Variants in ZNF540 observed in about 807,000 individuals in gnomAD.
ZNF540 encodes the protein CTD-3064H18.6.
A neutral mutation model predicts 11.8 loss-of-function variants in ZNF540; 3 were observed. The ratio of observed to expected loss-of-function variants is 0.25; its 90% CI spans 0.12 to 0.65. ZNF540 has a LOEUF of 0.65. Among genes scored for constraint, ZNF540 ranks in the 30% least tolerant of loss-of-function variants. ZNF540 has a pLI of 0.83. For synonymous variants in ZNF540, 247 were observed against 259.0 expected (o/e 0.95, Z 0.45); for missense variants, 709 against 793.1 (o/e 0.89, Z 1.27).
At chr19:37,599,882 C>A in intron 3 of ZNF540, 130 bp downstream of exon 3, 2 of 1,040,288 alleles carry the variant, frequency 1.9e-6, no homozygotes, top group Non-Finnish European at 2.7e-6. Flanking sequence ...ATGGACTGAA[C>A]TTTGATGGTT....
intron 4 of ZNF540, among the ~76,000 whole-genome samples, chr19:37,602,191 C>T (rs113655750): frequency 5.3e-4 from 81 of 152,196 alleles, no homozygotes; most frequent in Non-Finnish European, 8.7e-4. Context: ...AACAAGAAAT[C>T]ATAGGTGAAC....
At chr19:37,605,585 T>C (rs962540208) in intron 4 of ZNF540, among the ~76,000 whole-genome samples, 4 of 151,882 alleles carry the variant, frequency 2.6e-5, no homozygotes, top group Non-Finnish European at 4.4e-5. Flanking sequence ...AAGGCGGAGG[T>C]TGCAGTGAGC....
intron 1 of ZNF540, among the ~76,000 whole-genome samples, chr19:37,582,178 C>T (rs1375522354): frequency 6.6e-6 from 1 of 152,032 alleles, no homozygotes; most frequent in Non-Finnish European, 1.5e-5. Context: ...TTATTGTTGA[C>T]TTACTTCTTT....
At chr19:37,589,340 CACAG>C (rs1294231239) in intron 1 of ZNF540, among the ~76,000 whole-genome samples, 1 of 150,654 alleles carries the variant, frequency 6.6e-6, no homozygotes, top group African/African-American at 2.4e-5. Flanking sequence ...TAAAAGAATA[CACAG>C]ACAAATGACA....
At chr19:37,562,112 G>A (rs982933522) in intron 1 of ZNF540, among the ~76,000 whole-genome samples, 2 of 152,220 alleles carry the variant, frequency 1.3e-5, no homozygotes, top group South Asian at 2.1e-4. Flanking sequence ...GCCGGGTGCG[G>A]TGGCTCATGC....
intron 1 of ZNF540, among the ~76,000 whole-genome samples, chr19:37,581,257 ATAGAT>A (rs779071976): frequency 4.6e-5 from 7 of 152,086 alleles, no homozygotes; most frequent in South Asian, 4.1e-4. Context: ...CAAATCCATA[ATAGAT>A]TAGTCTCTTT....
intron 1 of ZNF540, chr19:37,566,209 C>G: frequency 6.2e-7 from 1 of 1,613,948 alleles, no homozygotes; most frequent in Non-Finnish European, 8.5e-7. Context: ...TACGTTTCCC[C>G]ATATTCTCCC....
chr19:37,590,380 G>A (rs535752272), upstream of ZNF540, among the ~76,000 whole-genome samples: 2 of 152,108 alleles, frequency 1.3e-5, no homozygotes, highest in South Asian at 2.1e-4. Flanking sequence ...TCTCGCCACC[G>A]CACTCCAGCC....
intron 4 of ZNF540, among the ~76,000 whole-genome samples, chr19:37,604,408 C>A (rs1197496775): frequency 6.8e-6 from 1 of 147,824 alleles, no homozygotes; most frequent in African/African-American, 2.5e-5. Context: ...CCCGGGTTCA[C>A]GCCATTCTCC....
At chr19:37,589,729 G>A (rs1049287443) in intron 1 of ZNF540, among the ~76,000 whole-genome samples, 1 of 151,796 alleles carries the variant, frequency 6.6e-6, no homozygotes, top group African/African-American at 2.4e-5. Context: ...AGCCAGGCGT[G>A]GTGGCGGGCA....
intron 1 of ZNF540, chr19:37,562,807 G>A (rs1054215559): frequency 6.6e-6 from 1 of 152,176 alleles, no homozygotes; most frequent in South Asian, 2.1e-4. Flanking sequence ...CATAATTCAT[G>A]TATTATATTT....
chr19:37,600,120 G>A (rs2044027657), intron 3 of ZNF540, among the ~76,000 whole-genome samples: 1 of 152,164 alleles, frequency 6.6e-6, no homozygotes, highest in Non-Finnish European at 1.5e-5. Context: ...ATGCCTATAA[G>A]GATAACAGCC....
At chr19:37,553,008 TG>T (rs2042622302) in intron 1 of ZNF540, among the ~76,000 whole-genome samples, 2 of 42,876 alleles carry the variant, frequency 4.7e-5, no homozygotes, top group Admixed American at 2.8e-4. Context: ...GTTTGCATGG[TG>T]TTTTTTTTTT....
intron 1 of ZNF540, among the ~76,000 whole-genome samples, chr19:37,559,275 A>C (rs2042693099): frequency 6.6e-6 from 1 of 152,238 alleles, no homozygotes; most frequent in South Asian, 2.1e-4. Context: ...GTGAGAATGT[A>C]AATTGACATT....
chr19:37,554,262 C>G (rs1442856892), intron 1 of ZNF540, among the ~76,000 whole-genome samples: 1 of 152,206 alleles, frequency 6.6e-6, no homozygotes, highest in Non-Finnish European at 1.5e-5. Context: ...GTTTCTGATC[C>G]TGCATGCCTT....
In ZNF540 at chr19:37,564,374, A is replaced by C. The variant is rs2042773414; in HGVS notation, c.-73+12709A>C. ...ATAGGATTTCAGTTAGGATATGGTG[A>C]AATGGAGATGATGCTTAATAAAGGA... is the stretch of plus-strand genomic sequence containing the variant. On this transcript the variant is annotated intron_variant, in intron 1 of 4. Transcript: ENST00000592533. The C allele has an allele frequency of 1.1e-5, 4 of 377,564 alleles. No homozygotes were observed. The South Asian group carries it at 3.9e-4, about 37-fold the overall frequency. 23.4% of individuals were successfully genotyped at this position (377,564 alleles called of 1,614,324 possible).
intron 1 of ZNF540, chr19:37,565,905 T>C (rs1055843964): frequency 6.2e-7 from 1 of 1,613,894 alleles, no homozygotes; most frequent in Non-Finnish European, 8.5e-7. Flanking sequence ...TTGCTAAAGG[T>C]ATTCCTGTGT....
intron 2 of ZNF540, 55 bp downstream of exon 2, chr19:37,598,511 G>A (rs2044013381): frequency 1.3e-6 from 2 of 1,598,026 alleles, no homozygotes; most frequent in Admixed American, 1.7e-5. Flanking sequence ...AAGATCATGT[G>A]AACATTTTCA....
rs191690280 is a variant in ZNF540, at chr19:37,577,653, A to G, written c.-72-20723A>G. On this transcript the variant is annotated intron_variant, in intron 1 of 4. Transcript: ENST00000592533. ...ATATATGTAGCAAAATAGTGAGAAG[A>G]TCCATGAGTAGAAGTGAAAATCTGG... Among the ~76,000 whole-genome samples the G allele has an allele frequency of 3.9e-5, 6 of 152,364 alleles. No individual in the cohort carries two copies. In the East Asian group the frequency reaches 9.6e-4, roughly 25 times the overall value.
Sources: gnomAD v4.1 joint callset for allele counts (sites outside exome capture counted in the v4.1 genomes callset) on GRCh38, gnomAD v4.1.1 for gene constraint, MANE v1.5 for transcripts, NCBI Gene and HGNC (gene_info 2026-07-23, HGNC 2026-07-21) for gene names.